Variants in KLHL2 observed in about 807,000 individuals in gnomAD.
KLHL2 encodes kelch-like protein 2.
A neutral mutation model predicts 75.8 loss-of-function variants in KLHL2; 15 were observed. That is an observed-to-expected ratio of 0.20 (90% CI 0.13 to 0.30). KLHL2 has a LOEUF of 0.30. KLHL2 is among the 10% of genes least tolerant of loss of function. KLHL2 has a pLI of 1.00. For synonymous variants in KLHL2, 214 were observed against 251.9 expected (o/e 0.85, Z 1.42); for missense variants, 381 against 741.0 (o/e 0.51, Z 5.64).
intron 5 of KLHL2, among the ~76,000 whole-genome samples, chr4:165,275,986 G>C (rs1743058369): frequency 6.6e-6 from 1 of 151,172 alleles, no homozygotes; most frequent in African/African-American, 2.4e-5. Context: ...AAAAGAGCCA[G>C]GCATGGTGGC....
intron 5 of KLHL2, among the ~76,000 whole-genome samples, chr4:165,268,205 TC>T (rs1281876868): frequency 3.9e-5 from 6 of 152,204 alleles, no homozygotes; most frequent in African/African-American, 1.4e-4. Context: ...TTCTCTCTTT[TC>T]TTCTTTATTA....
chr4:165,318,194 T>C (rs1211816853), intron 14 of KLHL2, among the ~76,000 whole-genome samples: 1 of 151,258 alleles, frequency 6.6e-6, no homozygotes, highest in African/African-American at 2.4e-5. Flanking sequence ...ATCTTTGATA[T>C]ACAAAATCAT....
intron 5 of KLHL2, among the ~76,000 whole-genome samples, chr4:165,292,332 A>G (rs1470264283): frequency 1.4e-5 from 2 of 142,572 alleles, no homozygotes; most frequent in Non-Finnish European, 3.2e-5. Flanking sequence ...TCTTGGGGTG[A>G]ACTTTTTTAT....
chr4:165,264,902 C>T (rs954852597), intron 5 of KLHL2, among the ~76,000 whole-genome samples: 16 of 151,214 alleles, frequency 1.1e-4, no homozygotes, highest in Middle Eastern at 3.4e-3. Context: ...GGTAGATACT[C>T]GGTAGTGAAA....
intron 4 of KLHL2, among the ~76,000 whole-genome samples, chr4:165,254,955 GCT>G (rs1036491732): frequency 3.6e-5 from 5 of 137,898 alleles, no homozygotes; most frequent in Non-Finnish European, 8.2e-5. Context: ...GAAAAAAAGC[GCT>G]GAGTCAGAGC....
rs1187856274 is a variant in KLHL2, at chr4:165,264,721, CAT to C, written c.544+1379_544+1380del. On this transcript the variant is annotated intron_variant, in intron 5 of 14. Coordinates refer to ENST00000226725, the MANE Select transcript of KLHL2 (RefSeq NM_007246.4). ...GTGTGTGTGTATATATATATATATACATATATATATATATATATGTATATATA... is the reference window on the plus strand; with the variant it reads ...GTGTGTGTGTATATATATATATATACATATATATATATATATGTATATATA... Among the ~76,000 whole-genome samples the C allele has an allele frequency of 7.8e-3, 556 of 71,178 alleles. 9 individuals are homozygous for C. Among genetic ancestry groups the C allele is most frequent in the African/African-American group, 0.025 (522 of 20,654 alleles). 46.7% of individuals were successfully genotyped at this position (71,178 alleles called of 152,430 possible).
intron 5 of KLHL2, among the ~76,000 whole-genome samples, chr4:165,272,004 T>C (rs1423852178): frequency 1.3e-5 from 2 of 151,972 alleles, no homozygotes; most frequent in East Asian, 3.9e-4. Context: ...CATTGGAGAG[T>C]AGTAGTCCTA....
At chr4:165,293,762 C>T (rs1228307591) in intron 5 of KLHL2, among the ~76,000 whole-genome samples, 1 of 151,484 alleles carries the variant, frequency 6.6e-6, no homozygotes, top group African/African-American at 2.4e-5. Context: ...GTGATCCGCC[C>T]GCCTCTGCCT....
At chr4:165,307,248 C>T (rs1745803967) in intron 9 of KLHL2, among the ~76,000 whole-genome samples, 1 of 152,180 alleles carries the variant, frequency 6.6e-6, no homozygotes, top group South Asian at 2.1e-4. Flanking sequence ...GCGGAGGTTG[C>T]AGTGAGCCAA....
chr4:165,264,690 G>GTA (rs1742018281), intron 5 of KLHL2, among the ~76,000 whole-genome samples: 1 of 51,592 alleles, frequency 1.9e-5, no homozygotes, highest in Non-Finnish European at 3.8e-5. Context: ...GTATGTGTGT[G>GTA]TGTGTGTGTG....
At chr4:165,321,371 G>A (rs145848491) in intron 14 of KLHL2, 5,038 of 450,828 alleles carry the variant, frequency 0.011, 46 homozygotes, top group South Asian at 0.018. Context: ...TCCCCTTAAT[G>A]AATAGTAAAT....
At chr4:165,266,182 G>A (rs1238102638) in intron 5 of KLHL2, among the ~76,000 whole-genome samples, 1 of 152,000 alleles carries the variant, frequency 6.6e-6, no homozygotes, top group African/African-American at 2.4e-5. Context: ...TTTTTTTCTT[G>A]TAAATTTGTT....
intron 5 of KLHL2, among the ~76,000 whole-genome samples, chr4:165,271,140 A>T (rs1269831272): frequency 6.8e-6 from 1 of 146,946 alleles, no homozygotes; most frequent in Non-Finnish European, 1.5e-5. Context: ...GGGCCTTTTT[A>T]AAAAAATTCC....
At chr4:165,282,609 T>C (rs926273392) in intron 5 of KLHL2, among the ~76,000 whole-genome samples, 21 of 152,038 alleles carry the variant, frequency 1.4e-4, no homozygotes, top group African/African-American at 5.1e-4. Context: ...CCCCAAATCA[T>C]GTTGTGCAAG....
At chr4:165,298,208 T>C (rs934056513) in intron 7 of KLHL2, among the ~76,000 whole-genome samples, 2 of 152,216 alleles carry the variant, frequency 1.3e-5, no homozygotes, top group African/African-American at 4.8e-5. Flanking sequence ...AAGGTAGTAT[T>C]TGTGGTCACT....
chr4:165,315,912 C>A (rs1436413146), intron 13 of KLHL2, among the ~76,000 whole-genome samples: 1 of 152,142 alleles, frequency 6.6e-6, no homozygotes, highest in Non-Finnish European at 1.5e-5. Context: ...TAAATTATGA[C>A]ACCAAGAGTG....
chr4:165,291,032 G>A (rs1189001082), intron 5 of KLHL2, among the ~76,000 whole-genome samples: 4 of 152,150 alleles, frequency 2.6e-5, no homozygotes, highest in African/African-American at 7.2e-5. Context: ...TGATAGATAC[G>A]TAAATGGTAT....
At chr4:165,248,817 C>G (rs756895512) in intron 4 of KLHL2, among the ~76,000 whole-genome samples, 1 of 152,020 alleles carries the variant, frequency 6.6e-6, no homozygotes, top group Non-Finnish European at 1.5e-5. Flanking sequence ...CAAAAGAATT[C>G]GAAAATTCAG....
intron 6 of KLHL2, among the ~76,000 whole-genome samples, chr4:165,294,960 A>G (rs760196835): frequency 3.3e-5 from 5 of 152,060 alleles, no homozygotes; most frequent in African/African-American, 9.7e-5. Flanking sequence ...CTTCCTTTAG[A>G]TTGATTTCCT....
Sources: gnomAD v4.1 joint callset for allele counts (sites outside exome capture counted in the v4.1 genomes callset) on GRCh38, gnomAD v4.1.1 for gene constraint, MANE v1.5 for transcripts, NCBI Gene and HGNC (gene_info 2026-07-23, HGNC 2026-07-21) for gene names.